The following MYCBP2 variants were observed in gnomAD, a reference collection of about 807,000 sequenced individuals.
The protein encoded by MYCBP2 is MYC binding protein 2.
Under a neutral mutation model 525.3 loss-of-function variants are expected in MYCBP2, and 120 were observed. The ratio of observed to expected loss-of-function variants is 0.23; its 90% confidence interval spans 0.20 to 0.27. The LOEUF is 0.27. Ranked by LOEUF, MYCBP2 falls within the 10% of genes least tolerant of loss-of-function variation. The pLI is 1.00. For missense variants in MYCBP2, 4,149 were observed against 5,657.1 expected (o/e 0.73, Z 8.55); for synonymous variants, 1,894 against 1,955.8 (o/e 0.97, Z 0.83).
chr13:77,283,482 C>T (rs908779261), intron 3 of MYCBP2, among the ~76,000 whole-genome samples: 5 of 152,086 alleles, frequency 3.3e-5, no homozygotes, highest in Admixed American at 2.6e-4. Context: ...GCTACAAATT[C>T]AAAAAGAATA....
At chr13:77,179,222 A>G (rs1367368277) in intron 34 of MYCBP2, among the ~76,000 whole-genome samples, 1 of 152,208 alleles carries the variant, frequency 6.6e-6, no homozygotes, top group African/African-American at 2.4e-5. Flanking sequence ...AAGATTAGGA[A>G]TTATAAAAGT....
chr13:77,288,414 T>C, intron 2 of MYCBP2, 38 bp from the exon 3 acceptor site: 1 of 1,530,564 alleles, frequency 6.5e-7, no homozygotes, highest in Non-Finnish European at 9.0e-7. Flanking sequence ...TTCACACTCT[T>C]TTCTATCATC....
chr13:77,267,925 A>G lies in MYCBP2; in HGVS notation c.1273T>C (p.Tyr425His). 4 of 1,611,314 alleles carry G rather than the reference A, an allele frequency of 2.5e-6. No individual in the cohort carries two copies. Among genetic ancestry groups the G allele is most frequent in the Non-Finnish European group, 8.5e-7 (1 of 1,178,910 alleles). ...WLGYAQGYLL[Y>H]RDVNNHSMTA... Reference sequence around the variant, plus strand: ...ATGCTGTGGTTATTCACATCTCTATATAATAAATAACCCTGATAACAGCAA... The same window carrying G: ...ATGCTGTGGTTATTCACATCTCTATGTAATAAATAACCCTGATAACAGCAA... Residue 425 changes from tyrosine (Y) to histidine (H), a missense_variant, in exon 8 of 83, where the codon TAT (tyrosine) becomes CAT (histidine). Physicochemically the swap from Tyr to His is moderately conservative, Grantham distance 83 (BLOSUM62 2). Coordinates refer to ENST00000544440, the MANE Select transcript of MYCBP2 (RefSeq NM_015057.5).
intron 23 of MYCBP2, among the ~76,000 whole-genome samples, chr13:77,210,053 G>A (rs948710795): frequency 3.3e-5 from 5 of 152,096 alleles, no homozygotes; most frequent in Non-Finnish European, 7.4e-5. Flanking sequence ...TACTAAGGCC[G>A]GCCGCAAAAG....
chr13:77,118,406 A>G, intron 55 of MYCBP2: 1 of 764,542 alleles, frequency 1.3e-6, no homozygotes, highest in East Asian at 2.4e-5. Context: ...ACTAGGGAAG[A>G]GGGAGGTTTT....
chr13:77,265,414 C>T (rs1021358495), intron 8 of MYCBP2, among the ~76,000 whole-genome samples: 2 of 152,012 alleles, frequency 1.3e-5, no homozygotes, highest in Non-Finnish European at 2.9e-5. Context: ...ACTGAGGCAA[C>T]CTGTCACCAG....
At chr13:77,152,264 C>T (rs1480256289) in intron 46 of MYCBP2, among the ~76,000 whole-genome samples, 1 of 152,116 alleles carries the variant, frequency 6.6e-6, no homozygotes, top group Non-Finnish European at 1.5e-5. Flanking sequence ...ACACAAACCC[C>T]TGGAAATATT....
At chr13:77,111,701 A>G (rs1380038327) in intron 55 of MYCBP2, among the ~76,000 whole-genome samples, 2 of 152,068 alleles carry the variant, frequency 1.3e-5, no homozygotes, top group Non-Finnish European at 2.9e-5. Flanking sequence ...ACCTTAGCTT[A>G]AACCCTACTC....
At chr13:77,280,190 G>A (rs551148148) in intron 3 of MYCBP2, among the ~76,000 whole-genome samples, 1 of 152,296 alleles carries the variant, frequency 6.6e-6, no homozygotes, top group African/African-American at 2.4e-5. Context: ...GGAAACAACA[G>A]ATATAGCTAA....
At chr13:77,055,837 C>T in intron 79 of MYCBP2, 70 bp from the exon 80 acceptor site, 1 of 1,054,606 alleles carries the variant, frequency 9.5e-7, no homozygotes, top group Non-Finnish European at 1.4e-6. Context: ...TTAGCATGCA[C>T]CTAAGTGCCA....
At chr13:77,052,737 C>G (rs889586989) in intron 80 of MYCBP2, among the ~76,000 whole-genome samples, 1 of 152,072 alleles carries the variant, frequency 6.6e-6, no homozygotes, top group Non-Finnish European at 1.5e-5. Flanking sequence ...TACTGTAGAA[C>G]AAAATATACA....
chr13:77,298,457 C>T (rs2078427881), intron 1 of MYCBP2, among the ~76,000 whole-genome samples: 1 of 152,172 alleles, frequency 6.6e-6, no homozygotes, highest in Admixed American at 6.5e-5. Flanking sequence ...AGTGCAGGGG[C>T]CCTGTCTTTC....
intron 20 of MYCBP2, among the ~76,000 whole-genome samples, chr13:77,221,273 G>A (rs1046297908): frequency 6.6e-6 from 1 of 152,196 alleles, no homozygotes. Context: ...ACCTGAGGAA[G>A]TCTGGCCTGA....
At chr13:77,111,842 A>G (rs1038339964) in intron 55 of MYCBP2, among the ~76,000 whole-genome samples, 3 of 152,052 alleles carry the variant, frequency 2.0e-5, no homozygotes, top group African/African-American at 7.2e-5. Context: ...CTGCAGAACA[A>G]TTTCCTCCAT....
intron 1 of MYCBP2, among the ~76,000 whole-genome samples, chr13:77,320,994 T>C (rs868768176): frequency 2.0e-5 from 3 of 152,172 alleles, no homozygotes; most frequent in African/African-American, 7.2e-5. Context: ...GAACTTTTTA[T>C]ATGAAGTGAT....
intron 76 of MYCBP2, among the ~76,000 whole-genome samples, chr13:77,060,724 T>A (rs1001374536): frequency 1.1e-4 from 16 of 152,208 alleles, no homozygotes; most frequent in African/African-American, 3.6e-4. Context: ...TTCAGAAGCA[T>A]TAGGTCTACA....
intron 82 of MYCBP2, among the ~76,000 whole-genome samples, chr13:77,050,665 AAT>A (rs2036602687): frequency 6.6e-6 from 1 of 152,072 alleles, no homozygotes; most frequent in Admixed American, 6.6e-5. Flanking sequence ...AAAAAAAAAA[AAT>A]CACAGAATCC....
chr13:77,165,437 T>C, intron 41 of MYCBP2, 46 bp from the exon 42 acceptor site: 1 of 1,391,584 alleles, frequency 7.2e-7, no homozygotes, highest in Non-Finnish European at 9.9e-7. Flanking sequence ...AACAATTTTA[T>C]AAAAATTTCC....
chr13:77,325,221 C>T (rs917878089), intron 1 of MYCBP2, among the ~76,000 whole-genome samples: 1 of 152,238 alleles, frequency 6.6e-6, no homozygotes, highest in Non-Finnish European at 1.5e-5. Flanking sequence ...CTTACAGCCT[C>T]GTCCCTTTCA....
Sources: gnomAD v4.1 joint callset for allele counts (sites outside exome capture counted in the v4.1 genomes callset) on GRCh38, gnomAD v4.1.1 for gene constraint, MANE v1.5 for transcripts, NCBI Gene and HGNC (gene_info 2026-07-23, HGNC 2026-07-21) for gene names.